The following ZBTB46 variants were observed in gnomAD, a reference collection of about 807,000 sequenced individuals.
ZBTB46 encodes zinc finger and BTB domain-containing protein 46.
ZBTB46 carries 8 observed loss-of-function variants against 44.1 expected under a neutral mutation model. The ratio of observed to expected loss-of-function variants is 0.18; its 90% CI spans 0.11 to 0.33. ZBTB46 has a LOEUF of 0.33. ZBTB46 is among the 10% of genes least tolerant of loss of function. The probability of loss-of-function intolerance (pLI) is 1.00; values close to 1 mark genes in which losing one functional copy is unlikely to be tolerated. For synonymous variants in ZBTB46, 409 were observed against 382.3 expected, an observed-to-expected ratio of 1.07 and a Z score of -0.81; for missense variants, 651 against 847.7, an observed-to-expected ratio of 0.77 and a Z score of 2.88.
intron 3 of ZBTB46, among the ~76,000 whole-genome samples, chr20:63,753,251 G>T (rs2281928): frequency 6.6e-6 from 1 of 152,030 alleles, no homozygotes; most frequent in South Asian, 2.1e-4. Context: ...CCCTGGGCGT[G>T]GTGTCCGATC....
chr20:63,770,171 C>G (rs775842176), intron 3 of ZBTB46, among the ~76,000 whole-genome samples: 37 of 152,354 alleles, frequency 2.4e-4, no homozygotes, highest in South Asian at 6.2e-4. Context: ...GACCGGCCGG[C>G]GGCGCATCCT....
rs2092421896 is a variant in ZBTB46 at position 63,775,902 on chromosome 20, A to G, written c.998T>C (p.Leu333Pro). 1.2e-6 allele frequency: 2 copies of G among 1,606,912 alleles called. No homozygotes were observed. The highest frequency in any genetic ancestry group is 8.5e-7 in the Non-Finnish European group (1 of 1,177,560). Residue 333 changes from leucine to proline, a missense_variant, in exon 3 of 5, where the codon CTC (leucine) becomes CCC (proline). Around this residue, in one of 5 missense-constraint regions of ZBTB46, gnomAD observed 385 missense variants for 423.3 expected, o/e 0.91. Transcript: ENST00000245663. ...SSDSRGERAELYAQVEEGLLG... is the reference protein window; with the variant it reads ...SSDSRGERAEPYAQVEEGLLG... ...GAGACCCTCCTCCACCTGTGCATAG[A>G]GCTCGGCCCTCTCTCCTCGGCTGTC... is the stretch of plus-strand genomic sequence containing the variant.
intron 1 of ZBTB46, among the ~76,000 whole-genome samples, chr20:63,820,712 G>T (rs938945057): frequency 6.6e-6 from 1 of 151,402 alleles, no homozygotes; most frequent in African/African-American, 2.4e-5. Context: ...GATTACAGGC[G>T]TGAGCCACCG....
Position 63,785,727 on chromosome 20 carries a change from C to T in ZBTB46, c.937+4094G>A, listed in dbSNP as rs189678966. On this transcript the variant is annotated intron_variant, in intron 2 of 4. Transcript: ENST00000245663. ...CCAAATCCCAGCCTGAGGGCTCAGA[C>T]GGAGGACGCAGCTCAGGGAGTCACT... Among the ~76,000 whole-genome samples, 198 of 152,304 alleles carry T rather than the reference C, an allele frequency of 1.3e-3. 4 individuals are homozygous for T. The highest frequency in any genetic ancestry group is 0.012 in the Admixed American group (181 of 15,306).
At chr20:63,792,994 G>A (rs1271142759) in intron 1 of ZBTB46, among the ~76,000 whole-genome samples, 2 of 152,140 alleles carry the variant, frequency 1.3e-5, no homozygotes, top group Admixed American at 6.5e-5. Flanking sequence ...GCCGGGAGAC[G>A]CGCTGCAGAA....
rs1482411951 is a variant in ZBTB46 at position 63,774,845 on chromosome 20, A to AG, written c.1222+832dup. On this transcript the variant is annotated intron_variant, in intron 3 of 4. Transcript: ENST00000245663. ...CAGTCTCCCGAGTAGCTGGGACTACAGGCGCCCGCCACCACGCCCGGCTAA... is the reference window on the plus strand; with the variant it reads ...CAGTCTCCCGAGTAGCTGGGACTACAGGGCGCCCGCCACCACGCCCGGCTAA... Among the ~76,000 whole-genome samples, 3 of 151,654 alleles carry AG rather than the reference A, an allele frequency of 2.0e-5. No homozygotes were observed. In the East Asian group the frequency reaches 5.8e-4, roughly 29 times the overall value.
chr20:63,802,414 C>G (rs1026303339), intron 1 of ZBTB46, among the ~76,000 whole-genome samples: 5 of 151,320 alleles, frequency 3.3e-5, no homozygotes, highest in African/African-American at 1.2e-4. Context: ...AGAATGAGAC[C>G]CTCTCAAAAA....
chr20:63,782,388 C>T (rs944068203), intron 2 of ZBTB46, among the ~76,000 whole-genome samples: 1 of 152,062 alleles, frequency 6.6e-6, no homozygotes, highest in East Asian at 1.9e-4. Flanking sequence ...TGTCGGGCCA[C>T]GAGCCAAGGA....
chr20:63,832,864 C>G (rs1271047599), upstream of ZBTB46, among the ~76,000 whole-genome samples: 8 of 152,072 alleles, frequency 5.3e-5, no homozygotes, highest in Non-Finnish European at 1.5e-5. The surrounding 1 kb of genome is among the most constrained non-coding windows in gnomAD (Gnocchi z 5.0). Context: ...CACGTGCATC[C>G]CCCTTGGAGA....
intron 2 of ZBTB46, among the ~76,000 whole-genome samples, chr20:63,783,407 G>A (rs1476458888): frequency 2.0e-5 from 3 of 152,188 alleles, no homozygotes; most frequent in Admixed American, 2.0e-4. Context: ...CCAGCCTGGC[G>A]ACCGAGCGAG....
intron 3 of ZBTB46, among the ~76,000 whole-genome samples, chr20:63,768,288 C>T (rs2315654): frequency 0.82 from 124,371 of 152,246 alleles, 51,063 homozygotes; most frequent in Middle Eastern, 0.84. Flanking sequence ...GGCTGGGCAC[C>T]GAGGCTCATC....
intron 1 of ZBTB46, among the ~76,000 whole-genome samples, chr20:63,794,946 G>A (rs1353283650): frequency 3.9e-5 from 6 of 152,190 alleles, no homozygotes; most frequent in Admixed American, 1.3e-4. Flanking sequence ...TGGCACCCCC[G>A]TGCGCGAGGT....
chr20:63,748,862 C>T (rs747707760), intron 4 of ZBTB46, among the ~76,000 whole-genome samples: 2 of 152,206 alleles, frequency 1.3e-5, no homozygotes, highest in African/African-American at 2.4e-5. Context: ...CAAGTACATA[C>T]ATAATCAATG....
intron 1 of ZBTB46, among the ~76,000 whole-genome samples, chr20:63,813,552 G>A (rs368366177): frequency 2.6e-5 from 4 of 152,260 alleles, no homozygotes; most frequent in East Asian, 1.9e-4. Context: ...ACTGCCCTGC[G>A]CGGGCGAGTC....
intron 3 of ZBTB46, among the ~76,000 whole-genome samples, chr20:63,774,490 T>G (rs2092403504): frequency 6.6e-6 from 1 of 152,126 alleles, no homozygotes; most frequent in Non-Finnish European, 1.5e-5. Flanking sequence ...TCAGCACGCC[T>G]GGACCCCAGC....
chr20:63,830,559 C>T (rs1387754231), intron 1 of ZBTB46, among the ~76,000 whole-genome samples: 2 of 150,356 alleles, frequency 1.3e-5, no homozygotes, highest in South Asian at 2.1e-4. Context: ...GCGCCCACCT[C>T]CCGCAGTTCC....
At chr20:63,806,321 T>C (rs66859979) in intron 1 of ZBTB46, among the ~76,000 whole-genome samples, 26,257 of 148,610 alleles carry the variant, frequency 0.18, 2,827 homozygotes, top group East Asian at 0.44. Flanking sequence ...GCAGGAAAAT[T>C]GCTTGAACCC....
At chr20:63,797,327 T>C (rs2092611366) in intron 1 of ZBTB46, among the ~76,000 whole-genome samples, 1 of 152,148 alleles carries the variant, frequency 6.6e-6, no homozygotes. Context: ...ACAAAGGACA[T>C]GAACGCATCC....
At chr20:63,778,833 G>A (rs6062524) in intron 2 of ZBTB46, among the ~76,000 whole-genome samples, 1 of 152,190 alleles carries the variant, frequency 6.6e-6, no homozygotes, top group Non-Finnish European at 1.5e-5. Flanking sequence ...CTTATGTTAA[G>A]GCTTTGTCTT....
Sources: gnomAD v4.1 joint callset for allele counts (sites outside exome capture counted in the v4.1 genomes callset) on GRCh38, gnomAD v4.1.1 for gene constraint, gnomAD v4.1.1 regional missense constraint, Gnocchi (gnomAD v3.1) non-coding constraint, MANE v1.5 for transcripts, NCBI Gene and HGNC (gene_info 2026-07-23, HGNC 2026-07-21) for gene names.